Variants in WDPCP observed in about 807,000 individuals in gnomAD.
WDPCP encodes WD repeat-containing and planar cell polarity effector protein fritz homolog.
In WDPCP, 71 loss-of-function variants were observed where a neutral mutation model predicts 93.1. The ratio of observed to expected loss-of-function variants is 0.76; its 90% confidence interval spans 0.63 to 0.93. WDPCP has a LOEUF of 0.93. Ranked by LOEUF, WDPCP falls within the 40% of genes least tolerant of loss-of-function variation. The pLI is 0.00. For synonymous variants in WDPCP, 315 were observed against 315.0 expected (o/e 1.00, Z 0.00); for missense variants, 844 against 887.4 (o/e 0.95, Z 0.62).
intron 14 of WDPCP, among the ~76,000 whole-genome samples, chr2:63,214,346 A>G (rs973933932): frequency 6.6e-6 from 1 of 152,232 alleles, no homozygotes; most frequent in African/African-American, 2.4e-5. Flanking sequence ...ATAATCCATT[A>G]GATAAACAGA....
At chr2:63,446,345 T>G (rs1463814372) in intron 6 of WDPCP, among the ~76,000 whole-genome samples, 1 of 152,154 alleles carries the variant, frequency 6.6e-6, no homozygotes, top group Non-Finnish European at 1.5e-5. Context: ...TTGGGAACTG[T>G]GCATGTGTTC....
intron 2 of WDPCP, among the ~76,000 whole-genome samples, chr2:63,674,838 G>C (rs1710386624): frequency 2.0e-5 from 3 of 151,986 alleles, no homozygotes; most frequent in African/African-American, 7.3e-5. Flanking sequence ...TCATATTTTA[G>C]CTCAGTAAGT....
chr2:63,302,826 C>T (rs555215248), intron 13 of WDPCP, among the ~76,000 whole-genome samples: 1 of 152,184 alleles, frequency 6.6e-6, no homozygotes, highest in Non-Finnish European at 1.5e-5. Flanking sequence ...TTCAAGCCAG[C>T]CCAACAAAAT....
intron 14 of WDPCP, among the ~76,000 whole-genome samples, chr2:63,190,309 T>G (rs562452758): frequency 6.6e-6 from 1 of 151,528 alleles, no homozygotes; most frequent in Non-Finnish European, 1.5e-5. Flanking sequence ...GGCAGACACA[T>G]GTACTCCCAG....
intron 9 of WDPCP, among the ~76,000 whole-genome samples, chr2:63,432,945 C>T (rs1464051248): frequency 1.3e-5 from 2 of 152,036 alleles, no homozygotes; most frequent in African/African-American, 4.8e-5. Flanking sequence ...GGGAAATACT[C>T]CTTAAAGTCT....
At chr2:63,720,272 C>G (rs183561984) in intron 2 of WDPCP, among the ~76,000 whole-genome samples, 1 of 152,024 alleles carries the variant, frequency 6.6e-6, no homozygotes, top group African/African-American at 2.4e-5. Context: ...AAAAATTTAG[C>G]CAGGTATGGC....
intron 12 of WDPCP, among the ~76,000 whole-genome samples, chr2:63,320,982 A>G (rs1687037975): frequency 6.6e-6 from 1 of 152,074 alleles, no homozygotes; most frequent in Admixed American, 6.5e-5. Flanking sequence ...ACATAAATAG[A>G]AAAATGTAAA....
At chr2:63,182,737 T>C (rs980332288) in intron 14 of WDPCP, among the ~76,000 whole-genome samples, 15 of 151,764 alleles carry the variant, frequency 9.9e-5, no homozygotes, top group African/African-American at 3.4e-4. Flanking sequence ...CTTTGTAGAT[T>C]TGGTAGAATT....
intron 2 of WDPCP, among the ~76,000 whole-genome samples, chr2:63,781,935 G>A (rs1670399414): frequency 6.6e-6 from 1 of 152,144 alleles, no homozygotes; most frequent in South Asian, 2.1e-4. Context: ...ATGTGTGTGT[G>A]TATATAAAAG....
intron 9 of WDPCP, among the ~76,000 whole-genome samples, chr2:63,410,512 C>A (rs1694947539): frequency 6.6e-6 from 1 of 152,150 alleles, no homozygotes. Context: ...CAACAAATAG[C>A]ACTGTGAATG....
chr2:63,702,609 G>A (rs1669075193), intron 2 of WDPCP, among the ~76,000 whole-genome samples: 1 of 151,254 alleles, frequency 6.6e-6, no homozygotes, highest in Non-Finnish European at 1.5e-5. Context: ...CGCGATTTCG[G>A]CTCACTGCAA....
chr2:63,727,369 A>T (rs1018991550), intron 2 of WDPCP, among the ~76,000 whole-genome samples: 1 of 152,100 alleles, frequency 6.6e-6, no homozygotes, highest in African/African-American at 2.4e-5. Context: ...CATGTGTTGA[A>T]ACAACCTTGC....
chr2:63,249,044 A>G (rs1224986010), intron 14 of WDPCP, among the ~76,000 whole-genome samples: 1 of 151,992 alleles, frequency 6.6e-6, no homozygotes, highest in African/African-American at 2.4e-5. Context: ...ATTTCTACCA[A>G]TTAATTTTGC....
intron 12 of WDPCP, among the ~76,000 whole-genome samples, chr2:63,359,563 C>T (rs1013482441): frequency 6.6e-6 from 1 of 152,170 alleles, no homozygotes; most frequent in African/African-American, 2.4e-5. Context: ...TGCAAAATGA[C>T]ACAGACATTC....
chr2:63,125,877 C>T (rs1356729168), intron 17 of WDPCP, among the ~76,000 whole-genome samples: 1 of 151,398 alleles, frequency 6.6e-6, no homozygotes, highest in Non-Finnish European at 1.5e-5. Flanking sequence ...TCCCAAAGTG[C>T]TGGGATTACA....
chr2:63,615,532 T>C lies in WDPCP; in HGVS notation n.488+35127A>G, dbSNP rs568232623. Among the ~76,000 whole-genome samples, 5 of 152,304 alleles carry C rather than the reference T, an allele frequency of 3.3e-5. No individual in the cohort carries two copies. The East Asian group carries it at 9.6e-4, about 29-fold the overall frequency. On this transcript the variant is annotated intron_variant and non_coding_transcript_variant, in intron 3 of 4. Transcript: ENST00000467687. Reference sequence around the variant, plus strand: ...ACACCTGGTTCTAACCTGTTTTTCATGCCCTAGGTAAATAAGATACCCCCT... The same window carrying C: ...ACACCTGGTTCTAACCTGTTTTTCACGCCCTAGGTAAATAAGATACCCCCT...
chr2:63,318,171 GCATCA>G (rs560148093), intron 12 of WDPCP, among the ~76,000 whole-genome samples: 1 of 152,100 alleles, frequency 6.6e-6, no homozygotes, highest in Non-Finnish European at 1.5e-5. Flanking sequence ...AAAATCCTCA[GCATCA>G]CTAATCGTTA....
intron 2 of WDPCP, among the ~76,000 whole-genome samples, chr2:63,697,978 T>G (rs1489820305): frequency 7.4e-6 from 1 of 135,728 alleles, no homozygotes; most frequent in African/African-American, 2.8e-5. Context: ...AGATAGAGTC[T>G]CGCTCTGTCG....
At chr2:63,397,136 AAAATAGAG>A (rs1056330936) in intron 10 of WDPCP, among the ~76,000 whole-genome samples, 8 of 152,086 alleles carry the variant, frequency 5.3e-5, no homozygotes, top group African/African-American at 1.9e-4. Context: ...TGATCATGGT[AAAATAGAG>A]AAGGTCTACA....
Sources: allele counts gnomAD v4.1 joint callset (sites outside exome capture counted in the v4.1 genomes callset), GRCh38; gene constraint gnomAD v4.1.1; transcripts MANE v1.5; gene names NCBI Gene and HGNC (gene_info 2026-07-23, HGNC 2026-07-21).